Variants in FHIP1A observed in about 807,000 individuals in gnomAD.
The protein encoded by FHIP1A is FHF complex subunit HOOK interacting protein 1A.
In FHIP1A, 61 loss-of-function variants were observed where a neutral mutation model predicts 88.6. The ratio of observed to expected loss-of-function variants is 0.69; its 90% CI spans 0.56 to 0.85. The LOEUF is 0.85. Ranked by LOEUF, FHIP1A falls within the 40% of genes least tolerant of loss-of-function variation. The pLI, the probability that FHIP1A is intolerant of heterozygous loss-of-function variation, is 0.00. For missense variants in FHIP1A, 1,154 were observed against 1,273.5 expected (o/e 0.91, Z 1.43); for synonymous variants, 478 against 496.0 (o/e 0.96, Z 0.48).
chr4:151,655,775 A>T (rs1560825182), intron 11 of FHIP1A, among the ~76,000 whole-genome samples: 5 of 151,992 alleles, frequency 3.3e-5, no homozygotes, highest in Admixed American at 2.0e-4. Flanking sequence ...TTTACAGAGA[A>T]TTTTTCATTA....
chr4:151,512,143 T>C (rs891953352), intron 3 of FHIP1A, among the ~76,000 whole-genome samples: 1 of 152,218 alleles, frequency 6.6e-6, no homozygotes, highest in Non-Finnish European at 1.5e-5. Context: ...AATCCGCTCT[T>C]CTGCAGCCAC....
At chr4:151,648,187 C>T (rs1736868376) in intron 10 of FHIP1A, among the ~76,000 whole-genome samples, 1 of 152,130 alleles carries the variant, frequency 6.6e-6, no homozygotes, top group Non-Finnish European at 1.5e-5. Flanking sequence ...TGTCTTGGTT[C>T]TAGTACTTTC....
chr4:151,486,495 A>G (rs1477502926), intron 3 of FHIP1A, among the ~76,000 whole-genome samples: 1 of 152,142 alleles, frequency 6.6e-6, no homozygotes, highest in Non-Finnish European at 1.5e-5. Context: ...AGTAGTTCTC[A>G]TATCTATGAT....
intron 11 of FHIP1A, among the ~76,000 whole-genome samples, chr4:151,654,738 G>C: frequency 6.6e-6 from 1 of 152,152 alleles, no homozygotes; most frequent in East Asian, 1.9e-4. Flanking sequence ...CCTATCCAGA[G>C]TTTCCAAATG....
At chr4:151,447,315 A>G (rs1377470536) in intron 1 of FHIP1A, among the ~76,000 whole-genome samples, 5 of 152,194 alleles carry the variant, frequency 3.3e-5, no homozygotes, top group Admixed American at 1.3e-4. Context: ...TGTCTTTTAC[A>G]TAGCTGGTTG....
At chr4:151,516,660 C>T (rs1285562094) in intron 3 of FHIP1A, among the ~76,000 whole-genome samples, 4 of 152,132 alleles carry the variant, frequency 2.6e-5, no homozygotes, top group African/African-American at 4.8e-5. Context: ...CAGACACTTA[C>T]CAAAAGAAGA....
At chr4:151,451,499 G>C (rs1316586471) in intron 1 of FHIP1A, among the ~76,000 whole-genome samples, 1 of 152,096 alleles carries the variant, frequency 6.6e-6, no homozygotes, top group African/African-American at 2.4e-5. Flanking sequence ...AATTATCTGT[G>C]CTTCCTGGCC....
chr4:151,649,596 C>T lies in FHIP1A; in HGVS notation c.1555C>T (p.Arg519Cys), dbSNP rs1238923267. ...CATCCTCCGCTGCATGAGGGACTGC[C>T]GTGTCTGGTCCGCCCTGTATGATGG... is the stretch of plus-strand genomic sequence containing the variant. ...TNILRCMRDC[R>C]VWSALYDGDS... The change falls in exon 11 of 14, where the codon CGT becomes TGT. Residue 519 changes from arginine (R) to cysteine (C), a missense_variant. Transcript: ENST00000435205. The T allele has an allele frequency of 8.4e-6, 13 of 1,551,710 alleles. No homozygotes were observed. The highest frequency in any genetic ancestry group is 1.0e-5 in the Non-Finnish European group (12 of 1,146,996).
intron 1 of FHIP1A, among the ~76,000 whole-genome samples, chr4:151,411,683 G>C (rs1411832418): frequency 1.3e-5 from 2 of 151,976 alleles, no homozygotes; most frequent in Admixed American, 6.6e-5. Flanking sequence ...AATTTAATAA[G>C]GAACCTCCTT....
Position 151,656,679 on chromosome 4 carries a change from G to A in FHIP1A, c.2731-81G>A, listed in dbSNP as rs1392558083. 2.1e-6 allele frequency: 3 copies of A among 1,411,076 alleles called. No individual in the cohort carries two copies. Among genetic ancestry groups the A allele is most frequent in the Non-Finnish European group, 2.9e-6 (3 of 1,039,066 alleles). 87.4% of individuals were successfully genotyped at this position (1,411,076 alleles called of 1,614,324 possible). On this transcript the variant is annotated intron_variant, in intron 12 of 13. Transcript: ENST00000435205. The surrounding 1 kb of genome is among the most constrained non-coding windows in gnomAD (Gnocchi z 4.2). Reference sequence around the variant, plus strand: ...CATCATAATAGTTCCCATAATGAGGGTGCTACCTGCAAGATATATTGATAA... The same window carrying A: ...CATCATAATAGTTCCCATAATGAGGATGCTACCTGCAAGATATATTGATAA...
At chr4:151,604,450 A>C (rs1332644966) in intron 7 of FHIP1A, among the ~76,000 whole-genome samples, 1 of 152,208 alleles carries the variant, frequency 6.6e-6, no homozygotes, top group East Asian at 1.9e-4. Flanking sequence ...TGAGGGAAAC[A>C]CAGTGACATC....
intron 3 of FHIP1A, among the ~76,000 whole-genome samples, chr4:151,540,527 A>G (rs1171628255): frequency 6.6e-6 from 1 of 152,192 alleles, no homozygotes; most frequent in Non-Finnish European, 1.5e-5. Flanking sequence ...AAAATTTCTC[A>G]TTAAGTGGTG....
chr4:151,463,558 T>G (rs953345030), intron 2 of FHIP1A, among the ~76,000 whole-genome samples: 20 of 152,190 alleles, frequency 1.3e-4, no homozygotes, highest in Admixed American at 2.0e-4. Context: ...TGACATAAAT[T>G]AAAGCTACTC....
rs753662924 is a variant in FHIP1A at position 151,663,421 on chromosome 4, A to C, written c.*667A>C. On this transcript the variant is annotated 3_prime_UTR_variant, in exon 14 of 14. Coordinates refer to ENST00000435205, the MANE Select transcript of FHIP1A (RefSeq NM_001109977.3). ...TGCAGATAATTTTTCTTATTTCTTGAGAGCTTACTTTAATCAGCATGACAC... is the reference window on the plus strand; with the variant it reads ...TGCAGATAATTTTTCTTATTTCTTGCGAGCTTACTTTAATCAGCATGACAC... The C allele has an allele frequency of 6.6e-6, 1 of 152,216 alleles. No homozygotes were observed. The highest frequency in any genetic ancestry group is 1.5e-5 in the Non-Finnish European group (1 of 68,042). 9.4% of individuals were successfully genotyped at this position (152,216 alleles called of 1,614,324 possible). A position where few individuals can be genotyped will look rare whatever the true frequency, so the allele number is the denominator to read the frequency against.
At chr4:151,536,798 G>A (rs1383857311) in intron 3 of FHIP1A, among the ~76,000 whole-genome samples, 1 of 152,164 alleles carries the variant, frequency 6.6e-6, no homozygotes, top group Non-Finnish European at 1.5e-5. Flanking sequence ...GTTAACATAA[G>A]TTTTCCTTTC....
chr4:151,541,892 G>A (rs761492468), intron 3 of FHIP1A, among the ~76,000 whole-genome samples: 2 of 152,000 alleles, frequency 1.3e-5, no homozygotes, highest in Admixed American at 6.6e-5. Context: ...ACGCCTTTTC[G>A]GTCATCAAGC....
intron 1 of FHIP1A, among the ~76,000 whole-genome samples, chr4:151,420,104 C>G (rs112668894): frequency 8.6e-5 from 1 of 11,600 alleles, no homozygotes; most frequent in Admixed American, 8.4e-4. Context: ...GGGTATATAC[C>G]CAGTAATGGG....
chr4:151,656,337 C>G lies in FHIP1A; in HGVS notation c.2657C>G (p.Pro886Arg). The G allele has an allele frequency of 1.3e-6, 2 of 1,551,696 alleles. No individual in the cohort carries two copies. Among genetic ancestry groups the G allele is most frequent in the South Asian group, 2.4e-5 (2 of 84,062 alleles). Residue 886 changes from proline to arginine, a missense_variant, in exon 12 of 14, where the codon CCC (proline) becomes CGC (arginine). By Grantham distance (103) the Pro-to-Arg change is moderately radical. Transcript: ENST00000435205. This position sits in a 1 kb window ranked among gnomAD's most constrained non-coding sequence, Gnocchi z 4.2. ...IGIITQLASYPQPLLRSFLLN... is the reference protein window; with the variant it reads ...IGIITQLASYRQPLLRSFLLN... ...ATCATTACTCAGCTAGCCAGCTACCCCCAGCCACTCCTGCGCTCCTTTCTG... is the reference window on the plus strand; with the variant it reads ...ATCATTACTCAGCTAGCCAGCTACCGCCAGCCACTCCTGCGCTCCTTTCTG...
intron 1 of FHIP1A, among the ~76,000 whole-genome samples, chr4:151,445,054 C>T (rs1214226885): frequency 1.3e-5 from 2 of 152,098 alleles, no homozygotes; most frequent in Non-Finnish European, 2.9e-5. Flanking sequence ...GTAGGGGGTC[C>T]CCAGGTTTCC....
Sources: gnomAD v4.1 joint callset for allele counts (sites outside exome capture counted in the v4.1 genomes callset) on GRCh38, gnomAD v4.1.1 for gene constraint, Gnocchi (gnomAD v3.1) non-coding constraint, MANE v1.5 for transcripts, NCBI Gene and HGNC (gene_info 2026-07-23, HGNC 2026-07-21) for gene names.